The following MTMR6 variants were observed in gnomAD, a reference collection of about 807,000 sequenced individuals.
The protein encoded by MTMR6 is phosphatidylinositol-3,5-bisphosphate 3-phosphatase MTMR6.
Under a neutral mutation model 80.1 loss-of-function variants are expected in MTMR6, and 47 were observed. The observed-to-expected ratio is 0.59, with a 90% CI of 0.46 to 0.75. The LOEUF is 0.75. Ranked by LOEUF, MTMR6 falls within the 30% of genes least tolerant of loss-of-function variation. The pLI is 0.00. For missense variants in MTMR6, 629 were observed against 730.9 expected, an observed-to-expected ratio of 0.86 and a Z score of 1.61; for synonymous variants, 254 against 253.0, an observed-to-expected ratio of 1.00 and a Z score of -0.04.
chr13:25,274,949 CACACACACACAT>C lies in MTMR6; in HGVS notation c.25-774_25-763del, dbSNP rs1350533753. On this transcript the variant is annotated intron_variant, in intron 1 of 13. Coordinates refer to ENST00000381801, the MANE Select transcript of MTMR6 (RefSeq NM_004685.5). ...GAATACTAGTAGACAGACACACACA[CACACACACACAT>C]ACACACACACACACACACACACACA... Among the ~76,000 whole-genome samples, 434 of 127,712 alleles carry C rather than the reference CACACACACACAT, an allele frequency of 3.4e-3. 3 individuals are homozygous for C. Among genetic ancestry groups the C allele is most frequent in the East Asian group, 0.033 (127 of 3,886 alleles). The allele number at this position is 127,712 out of a possible 152,430, so 83.8% of individuals were successfully genotyped here.
intron 1 of MTMR6, among the ~76,000 whole-genome samples, chr13:25,284,117 AT>A (rs1390350538): frequency 6.6e-6 from 1 of 152,154 alleles, no homozygotes; most frequent in Non-Finnish European, 1.5e-5. Flanking sequence ...TACCGCATAA[AT>A]ATTATTTATT....
At chr13:25,286,218 T>G (rs1376904291) in intron 1 of MTMR6, among the ~76,000 whole-genome samples, 1 of 152,210 alleles carries the variant, frequency 6.6e-6, no homozygotes, top group African/African-American at 2.4e-5. Flanking sequence ...AAAAGGTTTG[T>G]GAAACATTTA....
Position 25,253,685 on chromosome 13 carries a change from A to G in MTMR6, c.1346+79T>C, listed in dbSNP as rs973333797. ...AACTTTCAAATTGTCAAGATATTTTATTAAGTTTCAAACATGATTTTTGTT... is the reference window on the plus strand; with the variant it reads ...AACTTTCAAATTGTCAAGATATTTTGTTAAGTTTCAAACATGATTTTTGTT... On this transcript the variant is annotated intron_variant, in intron 11 of 13. Coordinates refer to ENST00000381801, the MANE Select transcript of MTMR6 (RefSeq NM_004685.5). 30 of 1,213,182 alleles carry G rather than the reference A, an allele frequency of 2.5e-5. No homozygotes were observed. In the Admixed American group the frequency reaches 4.5e-4, roughly 18 times the overall value. 75.2% of individuals were successfully genotyped at this position (1,213,182 alleles called of 1,614,324 possible).
At chr13:25,282,405 T>C (rs1050303182) in intron 1 of MTMR6, among the ~76,000 whole-genome samples, 3 of 152,000 alleles carry the variant, frequency 2.0e-5, no homozygotes, top group Admixed American at 2.0e-4. Context: ...CTTCTCCAAC[T>C]AGATAAGTTA....
At position 25,251,103 on chromosome 13, in the gene MTMR6, G is replaced by A. The variant is rs1478199805; in HGVS notation, c.1605+546C>T. Among the ~76,000 whole-genome samples the A allele has an allele frequency of 6.6e-6, 1 of 151,922 alleles. No individual in the cohort carries two copies. Among genetic ancestry groups the A allele is most frequent in the African/African-American group, 2.4e-5 (1 of 41,340 alleles). ...ATGATCTTGGCTCACTGCAACCTCC[G>A]CCTCCCAGGTTCAAGCAATTCTCCT... On this transcript the variant is annotated intron_variant, in intron 13 of 13. Transcript: ENST00000381801. The surrounding 1 kb of genome is among the most constrained non-coding windows in gnomAD (Gnocchi z 4.1).
In MTMR6 at chr13:25,259,584, G is replaced by A. The variant is rs1397902762; in HGVS notation, c.727-892C>T. 2.0e-5 allele frequency among the ~76,000 whole-genome samples: 3 copies of A among 152,052 alleles called. 1 individual carries two copies. The highest frequency in any genetic ancestry group is 4.4e-5 in the Non-Finnish European group (3 of 68,006). ...AATCTACAGTTAGATGTTAAAAAAT[G>A]CTTCCACATTATTACTACTTGAGTT... On this transcript the variant is annotated intron_variant, in intron 6 of 13. Transcript: ENST00000381801.
At chr13:25,269,822 C>CACAT (rs1957533310) in intron 2 of MTMR6, among the ~76,000 whole-genome samples, 2 of 152,022 alleles carry the variant, frequency 1.3e-5, no homozygotes, top group African/African-American at 4.8e-5. Context: ...ATAATTAACA[C>CACAT]ACACACACAC....
chr13:25,274,352 A>G (rs1293076663), intron 1 of MTMR6, among the ~76,000 whole-genome samples, 165 bp from the exon 2 acceptor site: 1 of 152,182 alleles, frequency 6.6e-6, no homozygotes, highest in Non-Finnish European at 1.5e-5. Flanking sequence ...TGGGGAATGT[A>G]TAAGCCACAA....
intron 2 of MTMR6, among the ~76,000 whole-genome samples, chr13:25,271,363 G>A (rs914501107): frequency 1.6e-4 from 25 of 152,078 alleles, no homozygotes; most frequent in African/African-American, 6.0e-4. Context: ...TTTACTTACA[G>A]CCAAAAGCAC....
intron 2 of MTMR6, 80 bp downstream of exon 2, chr13:25,273,991 G>T: frequency 9.7e-7 from 1 of 1,027,252 alleles, no homozygotes. Context: ...TAAAAATTGT[G>T]TTATACACAT....
intron 1 of MTMR6, among the ~76,000 whole-genome samples, chr13:25,276,207 A>AACCATAT: frequency 6.6e-6 from 1 of 152,198 alleles, no homozygotes; most frequent in Admixed American, 6.5e-5. Context: ...CACAGAGCCA[A>AACCATAT]ACCATATCAT....
In MTMR6 at chr13:25,254,403, C is replaced by T; in HGVS notation, c.1127G>A (p.Gly376Glu). Reference protein sequence around the residue: ...VLIEKDWISFGHKFSERCGQL... With the variant: ...VLIEKDWISFEHKFSERCGQL... ...GACTCACCTCTCTGAAAATTTATGT[C>T]CAAAAGAGATCCAATCCTTTTCTAT... Residue 376 changes from glycine to glutamate, a missense_variant, in exon 10 of 14, where the codon GGA (glycine) becomes GAA (glutamate). Physicochemically the swap from Gly to Glu is moderately conservative, Grantham distance 98 (BLOSUM62 -2). Coordinates refer to ENST00000381801, the MANE Select transcript of MTMR6 (RefSeq NM_004685.5). 6.3e-7 allele frequency: 1 copy of T among 1,575,038 alleles called. No individual in the cohort carries two copies. Among genetic ancestry groups the T allele is most frequent in the Non-Finnish European group, 8.7e-7 (1 of 1,148,584 alleles).
At chr13:25,264,773 A>ATGGCATG (rs1421636338) in intron 5 of MTMR6, among the ~76,000 whole-genome samples, 3 of 148,714 alleles carry the variant, frequency 2.0e-5, no homozygotes, top group South Asian at 2.2e-4. Context: ...AAAAAAAAAA[A>ATGGCATG]AAGAAATTTC....
chr13:25,250,863 T>C (rs1957069916), intron 13 of MTMR6, among the ~76,000 whole-genome samples: 1 of 152,202 alleles, frequency 6.6e-6, no homozygotes, highest in Non-Finnish European at 1.5e-5. Context: ...TTACAACTCA[T>C]ACAAACATTA....
chr13:25,268,605 C>T (rs914590900), intron 2 of MTMR6, among the ~76,000 whole-genome samples: 2 of 152,200 alleles, frequency 1.3e-5, no homozygotes, highest in African/African-American at 4.8e-5. Context: ...CCCCACAACC[C>T]TTTCCAAGTA....
chr13:25,285,520 A>G (rs1957938258), intron 1 of MTMR6, among the ~76,000 whole-genome samples: 1 of 147,940 alleles, frequency 6.8e-6, no homozygotes, highest in Non-Finnish European at 1.5e-5. Flanking sequence ...CTACAGGTAC[A>G]TACCACCCCA....
chr13:25,274,967 C>T (rs917669383), intron 1 of MTMR6, among the ~76,000 whole-genome samples: 22 of 114,998 alleles, frequency 1.9e-4, no homozygotes, highest in Admixed American at 2.2e-4. Flanking sequence ...CACATACACA[C>T]ACACACACAC....
chr13:25,286,510 C>G (rs74241225), intron 1 of MTMR6, among the ~76,000 whole-genome samples: 1 of 152,100 alleles, frequency 6.6e-6, no homozygotes, highest in African/African-American at 2.4e-5. Flanking sequence ...AAATTTGTAA[C>G]GAAATAAAAA....
intron 11 of MTMR6, 127 bp from the exon 12 acceptor site, chr13:25,252,111 A>G: frequency 1.0e-6 from 1 of 958,706 alleles, no homozygotes; most frequent in Non-Finnish European, 1.6e-6. Context: ...TCTTGTATTC[A>G]CAGTCTAACC....
Sources: gnomAD v4.1 joint callset for allele counts (sites outside exome capture counted in the v4.1 genomes callset) on GRCh38, gnomAD v4.1.1 for gene constraint, Gnocchi (gnomAD v3.1) non-coding constraint, MANE v1.5 for transcripts, NCBI Gene and HGNC (gene_info 2026-07-23, HGNC 2026-07-21) for gene names.